Variants in AKAP19 observed in about 807,000 individuals in gnomAD.
AKAP19 encodes the protein small A-kinase anchoring protein.
At chr2:190,077,477 A>G in the AKAP19 span, among the ~76,000 whole-genome samples, 1 of 151,932 alleles carries the variant, frequency 6.6e-6, no homozygotes, top group Non-Finnish European at 1.5e-5. Flanking sequence ...ACATGTTAAA[A>G]ATTTTTTAAA....
the AKAP19 span, among the ~76,000 whole-genome samples, chr2:190,019,055 C>T: frequency 1.4e-4 from 21 of 152,314 alleles, no homozygotes; most frequent in African/African-American, 3.1e-4. Flanking sequence ...AATAGGGTTG[C>T]AGGCTAGGCC....
At chr2:189,934,086 T>C in the AKAP19 span, among the ~76,000 whole-genome samples, 1,099 of 152,228 alleles carry the variant, frequency 7.2e-3, 17 homozygotes, top group African/African-American at 0.025. Context: ...GTAGGAGATG[T>C]TTCATATTTG....
At chr2:189,989,385 T>C in the AKAP19 span, among the ~76,000 whole-genome samples, 1 of 151,930 alleles carries the variant, frequency 6.6e-6, no homozygotes, top group Non-Finnish European at 1.5e-5. Context: ...TCAATAAATG[T>C]AATGAACTAA....
At chr2:189,950,339 T>G in the AKAP19 span, among the ~76,000 whole-genome samples, 1 of 150,294 alleles carries the variant, frequency 6.7e-6, no homozygotes, top group Non-Finnish European at 1.5e-5. Flanking sequence ...TTTTTGTTTT[T>G]TTTTTTTGTT....
chr2:190,019,502 T>G, the AKAP19 span, among the ~76,000 whole-genome samples: 1 of 152,028 alleles, frequency 6.6e-6, no homozygotes, highest in Non-Finnish European at 1.5e-5. Flanking sequence ...GCCAGTGTAT[T>G]ATGTATTGGC....
At chr2:190,074,963 G>A in the AKAP19 span, among the ~76,000 whole-genome samples, 659 of 152,220 alleles carry the variant, frequency 4.3e-3, 7 homozygotes, top group African/African-American at 0.015. Flanking sequence ...ATGTAAATGT[G>A]CCAGAATTTG....
chr2:189,985,784 G>C, the AKAP19 span, among the ~76,000 whole-genome samples: 1 of 152,172 alleles, frequency 6.6e-6, no homozygotes, highest in Non-Finnish European at 1.5e-5. Context: ...GTAAGCTAAT[G>C]AATGGGTGTT....
chr2:189,989,009 G>A, the AKAP19 span, among the ~76,000 whole-genome samples: 2 of 152,234 alleles, frequency 1.3e-5, no homozygotes, highest in Non-Finnish European at 2.9e-5. Flanking sequence ...AGATGGGCTA[G>A]GGCCCTGAGT....
the AKAP19 span, among the ~76,000 whole-genome samples, chr2:189,960,191 G>A: frequency 0.034 from 5,219 of 152,232 alleles, 285 homozygotes; most frequent in African/African-American, 0.11. Context: ...GTTAGCTCAA[G>A]AGACCCAGAT....
At chr2:189,975,896 CA>C in the AKAP19 span, among the ~76,000 whole-genome samples, 1 of 152,064 alleles carries the variant, frequency 6.6e-6, no homozygotes, top group Non-Finnish European at 1.5e-5. Flanking sequence ...AATCTTTTTT[CA>C]AGGTTTTTAG....
At chr2:189,981,273 C>CTTTTTT in the AKAP19 span, among the ~76,000 whole-genome samples, 1 of 128,998 alleles carries the variant, frequency 7.8e-6, no homozygotes, top group African/African-American at 2.9e-5. Flanking sequence ...CCTTCTTTGT[C>CTTTTTT]TTTTTTTTTT....
chr2:190,093,676 G>T, the AKAP19 span, among the ~76,000 whole-genome samples: 1 of 151,976 alleles, frequency 6.6e-6, no homozygotes, highest in Non-Finnish European at 1.5e-5. Flanking sequence ...TTTCATTTTG[G>T]ATTATTTTTA....
At chr2:190,086,488 GA>G in the AKAP19 span, among the ~76,000 whole-genome samples, 5 of 152,182 alleles carry the variant, frequency 3.3e-5, no homozygotes, top group East Asian at 9.6e-4. Context: ...TGGGGAAAGA[GA>G]AACATTAGAA....
chr2:190,117,783 A>G, the AKAP19 span, among the ~76,000 whole-genome samples: 3 of 152,220 alleles, frequency 2.0e-5, no homozygotes, highest in African/African-American at 7.2e-5. Context: ...AGAGAAGTGT[A>G]TGGCTTGTAG....
the AKAP19 span, among the ~76,000 whole-genome samples, chr2:189,995,325 T>C: frequency 6.6e-6 from 1 of 152,236 alleles, no homozygotes; most frequent in African/African-American, 2.4e-5. Flanking sequence ...TTTATGATTA[T>C]GATATTTTCC....
At chr2:190,022,423 G>C in the AKAP19 span, among the ~76,000 whole-genome samples, 4 of 152,238 alleles carry the variant, frequency 2.6e-5, no homozygotes, top group South Asian at 8.3e-4. Flanking sequence ...AAATGAACCA[G>C]TGAATTAATT....
the AKAP19 span, among the ~76,000 whole-genome samples, chr2:190,113,173 C>T: frequency 2.6e-5 from 4 of 151,802 alleles, no homozygotes; most frequent in Non-Finnish European, 5.9e-5. Context: ...ATTGTTTATT[C>T]ACACCTTCCT....
chr2:190,047,434 G>A, the AKAP19 span, among the ~76,000 whole-genome samples: 6 of 152,120 alleles, frequency 3.9e-5, no homozygotes, highest in Non-Finnish European at 7.4e-5. Flanking sequence ...CACTTCTCCC[G>A]CAGCACCTTG....
chr2:189,916,606 G>A, the AKAP19 span, among the ~76,000 whole-genome samples: 1 of 152,124 alleles, frequency 6.6e-6, no homozygotes, highest in Non-Finnish European at 1.5e-5. Context: ...ACAGGTGTAA[G>A]CCACTGCGCC....
Sources: gnomAD v4.1 joint callset for allele counts (sites outside exome capture counted in the v4.1 genomes callset) on GRCh38, gnomAD v4.1.1 for gene constraint, MANE v1.5 for transcripts, NCBI Gene and HGNC (gene_info 2026-07-23, HGNC 2026-07-21) for gene names.